INVS: variants seen among roughly 807,000 people sequenced by gnomAD.
INVS encodes the protein inversin.
Under a neutral mutation model 108.8 loss-of-function variants are expected in INVS, and 86 were observed. That is an observed-to-expected ratio of 0.79 (90% confidence interval 0.66 to 0.95). The LOEUF is 0.95. Ranked by LOEUF, INVS falls within the 40% of genes least tolerant of loss-of-function variation. The probability of loss-of-function intolerance (pLI) is 0.00; values close to 1 mark genes in which losing one functional copy is unlikely to be tolerated. For synonymous variants in INVS, 455 were observed against 473.5 expected (o/e 0.96, Z 0.51); for missense variants, 1,169 against 1,297.4 (o/e 0.90, Z 1.52).
chr9:100,225,910 G>A (rs2076523102), intron 3 of INVS, 152 bp from the exon 4 acceptor site: 2 of 585,920 alleles, frequency 3.4e-6, no homozygotes, highest in Admixed American at 3.1e-5. Flanking sequence ...ACAATTGATA[G>A]TATAGTGGAA....
intron 3 of INVS, among the ~76,000 whole-genome samples, chr9:100,131,400 C>T (rs1828051331): frequency 6.6e-6 from 1 of 152,136 alleles, no homozygotes; most frequent in Admixed American, 6.6e-5. Context: ...GTTCACTTCT[C>T]TGGAAACAAA....
In INVS at chr9:100,113,558, TTTTGTTTGTTTGTTTG is replaced by T. The variant is rs77147493; in HGVS notation, c.106+8951_106+8966del. ...AACCCAGGCATTTATCTGGTGTCTT[TTTTGTTTGTTTGTTTG>T]TTTGTTTGTTTGTTTGTTTTAGTTT... On this transcript the variant is annotated intron_variant, in intron 2 of 16. Transcript: ENST00000262457. Among the ~76,000 whole-genome samples the T allele has an allele frequency of 2.6e-3, 391 of 152,028 alleles. 3 individuals carry two copies. Among genetic ancestry groups the T allele is most frequent in the Non-Finnish European group, 4.6e-3 (315 of 67,988 alleles).
At position 100,188,813 on chromosome 9, in the gene INVS, A is replaced by T. The variant is rs544008422; in HGVS notation, c.274-37249A>T. 3.3e-5 allele frequency among the ~76,000 whole-genome samples: 5 copies of T among 151,602 alleles called. No individual in the cohort carries two copies. In the East Asian group the frequency reaches 7.7e-4, roughly 23 times the overall value. ...TAGAATTTGGCTGTGAATCCATCTGACCTTGGGCGTTTTTTGTTGTTGTTG... is the reference window on the plus strand; with the variant it reads ...TAGAATTTGGCTGTGAATCCATCTGTCCTTGGGCGTTTTTTGTTGTTGTTG... On this transcript the variant is annotated intron_variant, in intron 3 of 16. Coordinates refer to ENST00000262457, the MANE Select transcript of INVS (RefSeq NM_014425.5).
intron 10 of INVS, among the ~76,000 whole-genome samples, chr9:100,258,793 G>T (rs927510540): frequency 2.0e-5 from 3 of 152,146 alleles, no homozygotes; most frequent in Non-Finnish European, 2.9e-5. Flanking sequence ...CGTCTCAGAG[G>T]GGCAACTGGC....
intron 11 of INVS, among the ~76,000 whole-genome samples, chr9:100,268,380 G>A (rs538333005): frequency 1.3e-5 from 2 of 152,212 alleles, no homozygotes; most frequent in East Asian, 3.9e-4. Context: ...GGGATATTAG[G>A]ACTCTCTCAA....
chr9:100,181,081 C>A (rs544353977), intron 3 of INVS, among the ~76,000 whole-genome samples: 4 of 152,122 alleles, frequency 2.6e-5, no homozygotes, highest in Non-Finnish European at 5.9e-5. Context: ...TTCAACACCC[C>A]TTCATGCTAA....
intron 3 of INVS, chr9:100,131,923 C>A (rs1438641623): frequency 1.0e-6 from 1 of 982,182 alleles, no homozygotes; most frequent in African/African-American, 1.7e-5. Context: ...AGAAAGAATA[C>A]CTCTGAAACT....
Position 100,301,668 on chromosome 9 carries a change from A to G in INVS, c.*994A>G, listed in dbSNP as rs541082294. 9.8e-5 allele frequency among the ~76,000 whole-genome samples: 15 copies of G among 152,306 alleles called. No homozygotes were observed. In the East Asian group the frequency reaches 2.9e-3, roughly 29 times the overall value. ...CTGTGAGAATATTGACAGTAGGCAT[A>G]AACAGTGATATATTTTACTCACAGG... On this transcript the variant is annotated 3_prime_UTR_variant, in exon 17 of 17. Transcript: ENST00000262457.
At chr9:100,198,996 C>G (rs1445543335) in intron 3 of INVS, among the ~76,000 whole-genome samples, 5 of 152,162 alleles carry the variant, frequency 3.3e-5, no homozygotes, top group African/African-American at 1.2e-4. Context: ...AGGAGTAATG[C>G]TGTGTTCTTC....
At chr9:100,179,402 G>A (rs754864226) in intron 3 of INVS, among the ~76,000 whole-genome samples, 11 of 151,760 alleles carry the variant, frequency 7.2e-5, no homozygotes, top group East Asian at 3.9e-4. Flanking sequence ...CCCATCTCAC[G>A]TGCAAAGACA....
intron 12 of INVS, among the ~76,000 whole-genome samples, chr9:100,279,388 C>T (rs1343200794): frequency 1.3e-5 from 2 of 152,208 alleles, no homozygotes; most frequent in Non-Finnish European, 2.9e-5. Flanking sequence ...CAAGCCCATA[C>T]TAGAGGCTGT....
intron 16 of INVS, among the ~76,000 whole-genome samples, chr9:100,299,862 A>G (rs924209675): frequency 6.6e-6 from 1 of 152,236 alleles, no homozygotes; most frequent in Admixed American, 6.5e-5. Flanking sequence ...ACAGCCAAAA[A>G]CAATAGTTCA....
At chr9:100,266,646 A>G (rs1588134112) in intron 11 of INVS, among the ~76,000 whole-genome samples, 1 of 151,970 alleles carries the variant, frequency 6.6e-6, no homozygotes, top group African/African-American at 2.4e-5. Context: ...CTGACCTCCT[A>G]TTTCATCCTA....
At chr9:100,202,200 CCTAG>C (rs1830553920) in intron 3 of INVS, among the ~76,000 whole-genome samples, 2 of 152,038 alleles carry the variant, frequency 1.3e-5, no homozygotes, top group African/African-American at 4.8e-5. Context: ...ATTCCTTAAG[CCTAG>C]CTAGAGTCCT....
chr9:100,282,711 A>G (rs1168818754), intron 12 of INVS, among the ~76,000 whole-genome samples: 1 of 152,198 alleles, frequency 6.6e-6, no homozygotes, highest in Non-Finnish European at 1.5e-5. Flanking sequence ...CAGGTTGCCT[A>G]TAAAGAAGGC....
intron 12 of INVS, among the ~76,000 whole-genome samples, chr9:100,281,708 C>A (rs985909189): frequency 6.6e-6 from 1 of 152,256 alleles, no homozygotes; most frequent in Non-Finnish European, 1.5e-5. Flanking sequence ...ATTCTGCTTA[C>A]GTAGTTCTAC....
At chr9:100,254,201 G>A (rs1832338540) in intron 10 of INVS, among the ~76,000 whole-genome samples, 1 of 152,224 alleles carries the variant, frequency 6.6e-6, no homozygotes, top group Non-Finnish European at 1.5e-5. Flanking sequence ...TCTGTTGGCT[G>A]TATAAATGTC....
intron 11 of INVS, among the ~76,000 whole-genome samples, chr9:100,265,863 G>A (rs567691539): frequency 1.3e-5 from 2 of 152,320 alleles, no homozygotes; most frequent in African/African-American, 4.8e-5. Flanking sequence ...GATCAACTGA[G>A]GTCAGGAGTT....
intron 3 of INVS, among the ~76,000 whole-genome samples, chr9:100,182,622 C>T (rs533238959): frequency 1.3e-5 from 2 of 152,072 alleles, no homozygotes; most frequent in Admixed American, 6.6e-5. Context: ...ATTAAAAAGT[C>T]AGGAAACAAC....
Sources: allele counts gnomAD v4.1 joint callset (sites outside exome capture counted in the v4.1 genomes callset), GRCh38; gene constraint gnomAD v4.1.1; transcripts MANE v1.5; gene names NCBI Gene and HGNC (gene_info 2026-07-23, HGNC 2026-07-21).